CADM1: variants seen among roughly 807,000 people sequenced by gnomAD.
The protein encoded by CADM1 is TSLC-1.
In CADM1, 15 loss-of-function variants were observed where a neutral mutation model predicts 53.1. The ratio of observed to expected loss-of-function variants is 0.28; its 90% CI spans 0.19 to 0.44. CADM1 has a LOEUF of 0.44. Among genes scored for constraint, CADM1 ranks in the 20% least tolerant of loss-of-function variants. The probability of loss-of-function intolerance (pLI) is 1.00; values close to 1 mark genes in which losing one functional copy is unlikely to be tolerated. For missense variants in CADM1, 434 were observed against 611.3 expected (o/e 0.71, Z 3.06); for synonymous variants, 281 against 243.0 (o/e 1.16, Z -1.45).
In CADM1 at chr11:115,214,741, CA is replaced by C; in HGVS notation, c.860del (p.Met287SerfsTer17). The C allele has an allele frequency of 6.2e-7, 1 of 1,613,956 alleles. No homozygotes were observed. The highest frequency in any genetic ancestry group is 8.5e-7 in the Non-Finnish European group (1 of 1,179,918). On this transcript the variant is annotated frameshift_variant, in exon 7 of 12. Transcript: ENST00000331581. LOFTEE classifies it high-confidence loss of function. ...GCCCAGACAGTACGGCGTGTTGAGGCATTTCATCATCGACTCTCACCCAAGT... is the reference window on the plus strand; with the variant it reads ...GCCCAGACAGTACGGCGTGTTGAGGCTTTCATCATCGACTCTCACCCAAGT... ...MVTWVRVDDE[M>X]PQHAVLSGPN...
intron 1 of CADM1, among the ~76,000 whole-genome samples, chr11:115,464,231 G>A (rs1188157628): frequency 1.3e-5 from 2 of 152,140 alleles, no homozygotes; most frequent in African/African-American, 4.8e-5. Context: ...GGAGAAAACC[G>A]AAGGAAGGGA....
chr11:115,186,360 A>T (rs1414199459), intron 10 of CADM1, among the ~76,000 whole-genome samples: 1 of 152,074 alleles, frequency 6.6e-6, no homozygotes, highest in Non-Finnish European at 1.5e-5. Context: ...TGGGAAAAAA[A>T]ATCTTCCCAG....
chr11:115,196,546 A>C (rs1413217350), intron 9 of CADM1, among the ~76,000 whole-genome samples: 1 of 137,150 alleles, frequency 7.3e-6, no homozygotes, highest in Non-Finnish European at 1.5e-5. Flanking sequence ...TGGAAGAAGA[A>C]TTGTCTTGGG....
intron 9 of CADM1, among the ~76,000 whole-genome samples, chr11:115,195,984 G>A (rs952767417): frequency 6.6e-6 from 1 of 152,164 alleles, no homozygotes; most frequent in African/African-American, 2.4e-5. Flanking sequence ...CCATTAAGAA[G>A]TCAAATTCCA....
chr11:115,466,536 T>G (rs1948902033), intron 1 of CADM1, among the ~76,000 whole-genome samples: 1 of 152,162 alleles, frequency 6.6e-6, no homozygotes, highest in African/African-American at 2.4e-5. Flanking sequence ...AGAGAAAACA[T>G]GGTGGAAATA....
chr11:115,198,491 T>C, intron 8 of CADM1, 53 bp from the exon 9 acceptor site: 2 of 1,503,402 alleles, frequency 1.3e-6, no homozygotes, highest in Non-Finnish European at 1.8e-6. Context: ...AGGAACGGCA[T>C]GCAAAAAAAG....
intron 3 of CADM1, among the ~76,000 whole-genome samples, chr11:115,235,923 G>A (rs1439619693): frequency 2.0e-5 from 3 of 152,090 alleles, no homozygotes; most frequent in African/African-American, 4.8e-5. Flanking sequence ...AAACAAAATC[G>A]TCACAAGTGG....
intron 1 of CADM1, among the ~76,000 whole-genome samples, chr11:115,268,494 G>C (rs561294834): frequency 6.6e-6 from 1 of 152,222 alleles, no homozygotes; most frequent in Non-Finnish European, 1.5e-5. Context: ...ATTTGTACTA[G>C]GAAAAGGGCC....
chr11:115,457,420 G>C lies in CADM1; in HGVS notation c.124+46851C>G, dbSNP rs78308789. Among the ~76,000 whole-genome samples the C allele has an allele frequency of 5.2e-3, 794 of 152,182 alleles. 6 individuals carry two copies. Among genetic ancestry groups the C allele is most frequent in the African/African-American group, 0.017 (711 of 41,526 alleles). On this transcript the variant is annotated intron_variant, in intron 1 of 11. Coordinates refer to ENST00000331581, the MANE Select transcript of CADM1 (RefSeq NM_001301043.2). ...TTTAAAATCCATGGACTTAGCCAGG[G>C]TAAGAACTCCAAAAGATGTTGCTGG...
In CADM1 at chr11:115,456,210, C is replaced by T. The variant is rs564515180; in HGVS notation, c.124+48061G>A. 2.6e-5 allele frequency among the ~76,000 whole-genome samples: 4 copies of T among 152,048 alleles called. No individual in the cohort carries two copies. In the East Asian group the frequency reaches 7.7e-4, roughly 29 times the overall value. On this transcript the variant is annotated intron_variant, in intron 1 of 11. Transcript: ENST00000331581. ...CATTAAAGGAGATAAACAGTAAGAA[C>T]TGGGTAGATGAGGCAATTACTTGCA...
intron 1 of CADM1, among the ~76,000 whole-genome samples, chr11:115,396,515 T>A (rs1023283060): frequency 1.3e-5 from 2 of 152,150 alleles, no homozygotes; most frequent in African/African-American, 4.8e-5. Context: ...TTAACTAACT[T>A]TATTTATTTA....
At chr11:115,499,733 T>C (rs940308980) in intron 1 of CADM1, among the ~76,000 whole-genome samples, 4 of 152,230 alleles carry the variant, frequency 2.6e-5, no homozygotes, top group Non-Finnish European at 5.9e-5. Context: ...GCTACTTTAC[T>C]TCAAAATGGG....
chr11:115,427,514 G>A (rs1393793375), intron 1 of CADM1, among the ~76,000 whole-genome samples: 1 of 152,168 alleles, frequency 6.6e-6, no homozygotes, highest in Non-Finnish European at 1.5e-5. Context: ...ATGATAGATA[G>A]ATGGATAGAT....
intron 1 of CADM1, among the ~76,000 whole-genome samples, chr11:115,405,937 G>A (rs996584188): frequency 2.6e-5 from 4 of 152,098 alleles, no homozygotes; most frequent in Non-Finnish European, 5.9e-5. Context: ...TCCAAACACG[G>A]CATAGTGTTA....
At chr11:115,369,105 T>C (rs1019484399) in intron 1 of CADM1, among the ~76,000 whole-genome samples, 4 of 146,826 alleles carry the variant, frequency 2.7e-5, no homozygotes, top group Admixed American at 6.9e-5. Flanking sequence ...CGGAAGCCTC[T>C]TTCCCTTTAT....
intron 1 of CADM1, among the ~76,000 whole-genome samples, chr11:115,449,142 G>A (rs183050233): frequency 7.7e-4 from 117 of 152,158 alleles, no homozygotes; most frequent in African/African-American, 2.3e-3. Context: ...AGCCACCAGC[G>A]GACCCCAACA....
chr11:115,269,351 G>A (rs1023676662), intron 1 of CADM1, among the ~76,000 whole-genome samples: 3 of 152,108 alleles, frequency 2.0e-5, no homozygotes, highest in African/African-American at 7.2e-5. Flanking sequence ...CACACCAGCA[G>A]CTTACCCAAG....
At chr11:115,444,338 GTTTAC>G (rs1241542637) in intron 1 of CADM1, among the ~76,000 whole-genome samples, 1 of 152,152 alleles carries the variant, frequency 6.6e-6, no homozygotes, top group Non-Finnish European at 1.5e-5. Context: ...ATATGGTATA[GTTTAC>G]TTATTTCTTT....
chr11:115,276,742 G>A (rs1471325098), intron 1 of CADM1, among the ~76,000 whole-genome samples: 2 of 152,086 alleles, frequency 1.3e-5, no homozygotes, highest in African/African-American at 4.8e-5. Context: ...CTGACAATTA[G>A]TTGTTGATTA....
Sources: allele counts gnomAD v4.1 joint callset (sites outside exome capture counted in the v4.1 genomes callset), GRCh38; gene constraint gnomAD v4.1.1; transcripts MANE v1.5; gene names NCBI Gene and HGNC (gene_info 2026-07-23, HGNC 2026-07-21).